Variants in LHFPL6 observed in about 807,000 individuals in gnomAD.
The protein encoded by LHFPL6 is LHFPL tetraspan subfamily member 6 protein.
LHFPL6 carries 9 observed loss-of-function variants against 20.6 expected under a neutral mutation model. That is an observed-to-expected ratio of 0.44 (90% CI 0.26 to 0.76). The LOEUF (loss-of-function observed/expected upper bound fraction) is 0.76, where lower values mean the gene tolerates loss of function less well. Among genes scored for constraint, LHFPL6 ranks in the 30% least tolerant of loss-of-function variants. LHFPL6 has a pLI of 0.20. For missense variants in LHFPL6, 218 were observed against 253.5 expected, an observed-to-expected ratio of 0.86 and a Z score of 0.95; for synonymous variants, 105 against 98.7, an observed-to-expected ratio of 1.06 and a Z score of -0.38.
rs543942382 is a variant in LHFPL6 at position 39,503,803 on chromosome 13, G to A, written c.385+97029C>T. Among the ~76,000 whole-genome samples the A allele has an allele frequency of 8.2e-4, 125 of 152,298 alleles. 3 individuals carry two copies. The South Asian group carries it at 0.025, about 31-fold the overall frequency. ...TAGTAGGTCACCCACAGTTTGACAA[G>A]CAGACTTATTTTGCCAATAACTTGC... is the stretch of plus-strand genomic sequence containing the variant. On this transcript the variant is annotated intron_variant, in intron 2 of 3. Coordinates refer to ENST00000379589, the MANE Select transcript of LHFPL6 (RefSeq NM_005780.3).
At chr13:39,534,210 T>C (rs372740569) in intron 2 of LHFPL6, among the ~76,000 whole-genome samples, 6 of 152,204 alleles carry the variant, frequency 3.9e-5, no homozygotes, top group Non-Finnish European at 8.8e-5. Context: ...TTTAGGAGCC[T>C]ACAGCAAAAA....
chr13:39,497,996 C>A (rs975932852), intron 2 of LHFPL6, among the ~76,000 whole-genome samples: 2 of 152,154 alleles, frequency 1.3e-5, no homozygotes, highest in African/African-American at 4.8e-5. Flanking sequence ...ACAACTGAAG[C>A]CTCTGCAGCG....
intron 2 of LHFPL6, among the ~76,000 whole-genome samples, chr13:39,460,464 C>T (rs1476635549): frequency 2.6e-5 from 4 of 152,170 alleles, no homozygotes; most frequent in Non-Finnish European, 5.9e-5. Context: ...CAGAAAACAA[C>T]CCAAACAAGC....
At chr13:39,573,619 G>A (rs1338895914) in intron 2 of LHFPL6, among the ~76,000 whole-genome samples, 4 of 151,708 alleles carry the variant, frequency 2.6e-5, no homozygotes, top group African/African-American at 7.3e-5. Context: ...AAATACTTTC[G>A]GTTTAACATC....
At chr13:39,590,953 T>G (rs1872573970) in intron 2 of LHFPL6, among the ~76,000 whole-genome samples, 1 of 152,144 alleles carries the variant, frequency 6.6e-6, no homozygotes, top group Admixed American at 6.5e-5. Flanking sequence ...CTAAGGGAAG[T>G]AAGTTAAAAA....
intron 2 of LHFPL6, among the ~76,000 whole-genome samples, chr13:39,588,427 G>A (rs1872515707): frequency 2.0e-5 from 3 of 152,214 alleles, no homozygotes; most frequent in Non-Finnish European, 4.4e-5. Flanking sequence ...TCAAAGAGAT[G>A]TTAATGCATA....
At chr13:39,583,555 G>C (rs970961619) in intron 2 of LHFPL6, among the ~76,000 whole-genome samples, 1 of 152,124 alleles carries the variant, frequency 6.6e-6, no homozygotes, top group Admixed American at 6.5e-5. Flanking sequence ...ATAATATGTA[G>C]AGAAATTCCA....
intron 2 of LHFPL6, among the ~76,000 whole-genome samples, chr13:39,539,568 T>C (rs1870731673): frequency 1.3e-5 from 2 of 152,226 alleles, no homozygotes; most frequent in African/African-American, 4.8e-5. Context: ...CTGAACAATA[T>C]GCTGCACATG....
Position 39,581,821 on chromosome 13 carries a change from G to T in LHFPL6, c.385+19011C>A, listed in dbSNP as rs145935675. Among the ~76,000 whole-genome samples the T allele has an allele frequency of 1.7e-3, 263 of 152,252 alleles. 6 individuals carry two copies. In the East Asian group the frequency reaches 0.03, roughly 17 times the overall value. ...TTAAGCAGCTGGCACTATCTGAGGGGAGGCTTAAAATTATGATTAAAGTAG... is the reference window on the plus strand; with the variant it reads ...TTAAGCAGCTGGCACTATCTGAGGGTAGGCTTAAAATTATGATTAAAGTAG... On this transcript the variant is annotated intron_variant, in intron 2 of 3. Transcript: ENST00000379589.
intron 2 of LHFPL6, among the ~76,000 whole-genome samples, chr13:39,390,255 G>C (rs999843138): frequency 1.3e-5 from 2 of 152,020 alleles, no homozygotes; most frequent in African/African-American, 4.8e-5. Context: ...CCCTGCCACA[G>C]TGAGCTAACT....
At chr13:39,355,544 T>C (rs1175515803) in intron 3 of LHFPL6, among the ~76,000 whole-genome samples, 1 of 152,052 alleles carries the variant, frequency 6.6e-6, no homozygotes, top group East Asian at 1.9e-4. Context: ...AATATAAACC[T>C]TGAATGTAAA....
rs937573894 is a variant in LHFPL6, at chr13:39,426,565, G to C, written c.386-48039C>G. Among the ~76,000 whole-genome samples, 6 of 151,932 alleles carry C rather than the reference G, an allele frequency of 3.9e-5. 1 individual carries two copies. The highest frequency in any genetic ancestry group is 2.1e-4 in the South Asian group (1 of 4,814). ...AAATTTGCCTATTCTAAATATTTCAGGTATGTGAAATTATACAGTATTTAA... is the reference window on the plus strand; with the variant it reads ...AAATTTGCCTATTCTAAATATTTCACGTATGTGAAATTATACAGTATTTAA... On this transcript the variant is annotated intron_variant, in intron 2 of 3. Transcript: ENST00000379589.
intron 2 of LHFPL6, among the ~76,000 whole-genome samples, chr13:39,385,653 G>A (rs576092246): frequency 1.3e-5 from 2 of 152,332 alleles, no homozygotes; most frequent in South Asian, 4.1e-4. Context: ...GAGCTCAGTG[G>A]TCAGAATAAG....
chr13:39,433,506 T>C (rs1213352171), intron 2 of LHFPL6, among the ~76,000 whole-genome samples: 1 of 152,180 alleles, frequency 6.6e-6, no homozygotes, highest in Non-Finnish European at 1.5e-5. Flanking sequence ...AAAGCACCGA[T>C]TAAGCCAGAG....
chr13:39,443,811 G>A (rs187322459), intron 2 of LHFPL6, among the ~76,000 whole-genome samples: 2 of 151,514 alleles, frequency 1.3e-5, no homozygotes, highest in Admixed American at 1.3e-4. Context: ...CAACCATCCT[G>A]TTTTTCACTT....
rs572502814 is a variant in LHFPL6, at chr13:39,587,885, A to C, written c.385+12947T>G. Among the ~76,000 whole-genome samples, 6 of 152,158 alleles carry C rather than the reference A, an allele frequency of 3.9e-5. No individual in the cohort carries two copies. In the South Asian group the frequency reaches 1.2e-3, roughly 32 times the overall value. The stretch of plus-strand genomic sequence containing the variant: ...GATGAGAGCTGGGATCATGAAGGGC[A>C]GGGCTTTCTAGGAGGAGGAACCATG... On this transcript the variant is annotated intron_variant, in intron 2 of 3. Transcript: ENST00000379589.
chr13:39,393,025 T>C (rs1870750521), intron 2 of LHFPL6, among the ~76,000 whole-genome samples: 1 of 152,180 alleles, frequency 6.6e-6, no homozygotes, highest in Admixed American at 6.5e-5. Flanking sequence ...TTATATTAGG[T>C]ATTACAAGTA....
intron 2 of LHFPL6, among the ~76,000 whole-genome samples, chr13:39,578,949 C>CA (rs1323587771): frequency 2.6e-5 from 4 of 152,172 alleles, no homozygotes; most frequent in African/African-American, 7.2e-5. Context: ...GTGAAGGGAA[C>CA]AGCGTTCAGC....
At chr13:39,415,034 CT>C (rs1353867290) in intron 2 of LHFPL6, among the ~76,000 whole-genome samples, 3 of 152,176 alleles carry the variant, frequency 2.0e-5, no homozygotes, top group African/African-American at 7.2e-5. Flanking sequence ...CTGAGTTTCC[CT>C]TTCTAACCCG....
Sources: allele counts gnomAD v4.1 joint callset (sites outside exome capture counted in the v4.1 genomes callset), GRCh38; gene constraint gnomAD v4.1.1; transcripts MANE v1.5; gene names NCBI Gene and HGNC (gene_info 2026-07-23, HGNC 2026-07-21).